Variants in PTP4A1 observed in about 807,000 individuals in gnomAD.
PTP4A1 encodes the protein protein tyrosine phosphatase type IVA 1.
PTP4A1 carries 9 observed loss-of-function variants against 20.5 expected under a neutral mutation model. The observed-to-expected ratio is 0.44, with a 90% CI of 0.26 to 0.77. PTP4A1 has a LOEUF of 0.77. Ranked by LOEUF, PTP4A1 falls within the 30% of genes least tolerant of loss-of-function variation. The pLI is 0.19. For missense variants in PTP4A1, 137 were observed against 218.8 expected, an observed-to-expected ratio of 0.63 and a Z score of 2.36; for synonymous variants, 78 against 67.4, an observed-to-expected ratio of 1.16 and a Z score of -0.77.
At chr6:63,548,241 G>T (rs975477472) in intron 2 of PTP4A1, among the ~76,000 whole-genome samples, 7 of 152,056 alleles carry the variant, frequency 4.6e-5, no homozygotes, top group Non-Finnish European at 8.8e-5. Flanking sequence ...CTGAAGCCAG[G>T]CTTTGAATCC....
chr6:63,577,683 A>G (rs1052158723), intron 2 of PTP4A1, among the ~76,000 whole-genome samples: 2 of 152,032 alleles, frequency 1.3e-5, no homozygotes, highest in Admixed American at 6.6e-5. Context: ...CAGCCTCCCA[A>G]GTAGCTGAGA....
At chr6:63,559,818 T>A (rs973474037) in intron 3 of PTP4A1, among the ~76,000 whole-genome samples, 1 of 151,896 alleles carries the variant, frequency 6.6e-6, no homozygotes, top group Non-Finnish European at 1.5e-5. Context: ...ACTTTGGGAG[T>A]CTGAGGCAGG....
chr6:63,532,075 A>C (rs1775497207), intron 2 of PTP4A1, among the ~76,000 whole-genome samples: 1 of 152,230 alleles, frequency 6.6e-6, no homozygotes, highest in Non-Finnish European at 1.5e-5. Context: ...CTGGGATTAC[A>C]GGCGTGAGCC....
At chr6:63,565,415 G>T (rs1194809163) in intron 3 of PTP4A1, among the ~76,000 whole-genome samples, 1 of 151,904 alleles carries the variant, frequency 6.6e-6, no homozygotes, top group African/African-American at 2.4e-5. Flanking sequence ...AATAGAGATC[G>T]ATTCAAGAGA....
intron 1 of PTP4A1, among the ~76,000 whole-genome samples, chr6:63,574,720 G>T (rs1468187976): frequency 6.6e-6 from 1 of 152,164 alleles, no homozygotes; most frequent in African/African-American, 2.4e-5. Flanking sequence ...AGAATACTGT[G>T]ATGAGTCATT....
chr6:63,559,425 G>A (rs1036058241), intron 3 of PTP4A1, among the ~76,000 whole-genome samples: 1 of 151,898 alleles, frequency 6.6e-6, no homozygotes, highest in Non-Finnish European at 1.5e-5. Context: ...TGGCTTAAAC[G>A]CAGCAAAAAA....
At chr6:63,531,077 G>A (rs1775436588) in intron 2 of PTP4A1, among the ~76,000 whole-genome samples, 1 of 152,166 alleles carries the variant, frequency 6.6e-6, no homozygotes, top group African/African-American at 2.4e-5. Context: ...TCTATATTGT[G>A]TGTCCAAAGA....
rs1778218683 is a variant in PTP4A1 at position 63,581,477 on chromosome 6, A to G, written c.*1303A>G. On this transcript the variant is annotated 3_prime_UTR_variant, in exon 6 of 6. Coordinates refer to ENST00000626021, the MANE Select transcript of PTP4A1 (RefSeq NM_003463.5). ...CATCATTGAGATTGGTTTGCTTAAA[A>G]TTAACTTATTTTGTAGAAGACAAAA... 1 of 152,608 alleles carries G rather than the reference A, an allele frequency of 6.6e-6. No homozygotes were observed. Among genetic ancestry groups the G allele is most frequent in the Admixed American group, 6.5e-5 (1 of 15,276 alleles). 9.5% of individuals were successfully genotyped at this position (152,608 alleles called of 1,614,324 possible). A position where few individuals can be genotyped will look rare whatever the true frequency, so the allele number is the denominator to read the frequency against.
chr6:63,530,643 G>C (rs1389411577), intron 2 of PTP4A1, among the ~76,000 whole-genome samples: 1 of 151,952 alleles, frequency 6.6e-6, no homozygotes, highest in Non-Finnish European at 1.5e-5. Context: ...AAAAGGAGAA[G>C]ATAAAATTGT....
intron 2 of PTP4A1, among the ~76,000 whole-genome samples, chr6:63,544,768 T>G (rs994126022): frequency 2.0e-5 from 3 of 152,154 alleles, no homozygotes; most frequent in Admixed American, 1.3e-4. Context: ...ATCTCTGAAG[T>G]GATGTTATTT....
chr6:63,572,376 G>A (rs1244284731), upstream of PTP4A1: 2 of 309,750 alleles, frequency 6.5e-6, no homozygotes, highest in Non-Finnish European at 1.2e-5. Context: ...GCGGGCCTCC[G>A]CCCCCGCCTG....
Position 63,578,463 on chromosome 6 carries a change from A to G in PTP4A1, c.132A>G (p.Thr44=). 6 of 1,609,496 alleles carry G rather than the reference A, an allele frequency of 3.7e-6. No homozygotes were observed. The highest frequency in any genetic ancestry group is 5.1e-6 in the Non-Finnish European group (6 of 1,178,712). Residue 44 remains threonine (T), a synonymous_variant, in exon 3 of 6, where the codon ACA becomes ACG. Transcript: ENST00000626021. ...AACTTAAGAAGTATGGAGTTACCAC[A>G]ATAGTAAGAGTATGTGAAGCAACTT... ...IEELKKYGVT[T]IVRVCEATYD...
chr6:63,556,821 A>AT (rs1394559827), intron 3 of PTP4A1, among the ~76,000 whole-genome samples: 1 of 152,242 alleles, frequency 6.6e-6, no homozygotes, highest in Admixed American at 6.5e-5. Context: ...ATGCCCAAAT[A>AT]TAACAAGCAG....
At chr6:63,536,749 CTT>C (rs1775745466) in intron 2 of PTP4A1, among the ~76,000 whole-genome samples, 1 of 152,008 alleles carries the variant, frequency 6.6e-6, no homozygotes, top group African/African-American at 2.4e-5. Context: ...AAAAAGCAGT[CTT>C]AATTTTTATT....
intron 3 of PTP4A1, among the ~76,000 whole-genome samples, chr6:63,565,226 G>GT (rs1738520160): frequency 6.6e-6 from 1 of 151,912 alleles, no homozygotes. Flanking sequence ...TGCCCAGGCG[G>GT]TATCTGTCAC....
intron 2 of PTP4A1, among the ~76,000 whole-genome samples, chr6:63,536,201 G>A (rs1032874412): frequency 1.3e-5 from 2 of 152,110 alleles, no homozygotes; most frequent in Non-Finnish European, 2.9e-5. Context: ...CGTGGTGGCG[G>A]GTGCCTGCAG....
intron 2 of PTP4A1, among the ~76,000 whole-genome samples, chr6:63,543,292 C>A (rs1776058282): frequency 6.6e-6 from 1 of 152,158 alleles, no homozygotes; most frequent in African/African-American, 2.4e-5. Flanking sequence ...CTAAAATGAA[C>A]CCTCCTCAGG....
chr6:63,523,846 T>C (rs566349757), intron 1 of PTP4A1, among the ~76,000 whole-genome samples: 12 of 152,312 alleles, frequency 7.9e-5, no homozygotes, highest in African/African-American at 2.9e-4. Flanking sequence ...CCCTGGCCTA[T>C]AGCACTCTGT....
intron 2 of PTP4A1, among the ~76,000 whole-genome samples, chr6:63,546,227 C>A (rs1581924379): frequency 6.6e-6 from 1 of 152,080 alleles, no homozygotes; most frequent in African/African-American, 2.4e-5. Context: ...AAATACTGTC[C>A]TTTGCTATGA....
Sources: allele counts gnomAD v4.1 joint callset (sites outside exome capture counted in the v4.1 genomes callset), GRCh38; gene constraint gnomAD v4.1.1; transcripts MANE v1.5; gene names NCBI Gene and HGNC (gene_info 2026-07-23, HGNC 2026-07-21).